The following CPEB3 variants were observed in gnomAD, a reference collection of about 807,000 sequenced individuals.
CPEB3 encodes cytoplasmic polyadenylation element-binding protein 3.
CPEB3 carries 20 observed loss-of-function variants against 67.2 expected under a neutral mutation model. The ratio of observed to expected loss-of-function variants is 0.30; its 90% confidence interval spans 0.21 to 0.43. CPEB3 has a LOEUF of 0.43. Ranked by LOEUF, CPEB3 falls within the 20% of genes least tolerant of loss-of-function variation. CPEB3 has a pLI of 1.00. For missense variants in CPEB3, 746 were observed against 968.6 expected (o/e 0.77, Z 3.05); for synonymous variants, 376 against 393.1 (o/e 0.96, Z 0.51).
At chr10:92,181,047 A>G in intron 3 of CPEB3, 28 bp from the exon 4 acceptor site, 9 of 1,221,282 alleles carry the variant, frequency 7.4e-6, no homozygotes, top group Non-Finnish European at 1.1e-5. Context: ...TTTAAGCAAA[A>G]AGAATGTTTA....
At chr10:92,163,373 G>A (rs1305981228) in intron 4 of CPEB3, among the ~76,000 whole-genome samples, 1 of 152,100 alleles carries the variant, frequency 6.6e-6, no homozygotes, top group Admixed American at 6.5e-5. Context: ...GGCGGAGGTT[G>A]CAGTGAGCCA....
At chr10:92,246,675 A>AT (rs1405992417) in intron 1 of CPEB3, among the ~76,000 whole-genome samples, 1 of 151,640 alleles carries the variant, frequency 6.6e-6, no homozygotes, top group Non-Finnish European at 1.5e-5. Flanking sequence ...CGCCCAGCTA[A>AT]TTTTTTGTAC....
intron 6 of CPEB3, 42 bp downstream of exon 6, chr10:92,142,987 C>CT (rs758086057): frequency 7.1e-7 from 1 of 1,414,464 alleles, no homozygotes; most frequent in Non-Finnish European, 1.0e-6. Flanking sequence ...GTCATGCTAT[C>CT]TCTCCAACAG....
At chr10:92,053,771 G>A (rs953653449) in intron 9 of CPEB3, among the ~76,000 whole-genome samples, 30 of 152,254 alleles carry the variant, frequency 2.0e-4, no homozygotes, top group South Asian at 6.2e-4. Context: ...TCGATCCCCT[G>A]ACCTCGTGAT....
chr10:92,283,074 A>C (rs1842367849), intron 1 of CPEB3, among the ~76,000 whole-genome samples: 1 of 152,144 alleles, frequency 6.6e-6, no homozygotes, highest in East Asian at 1.9e-4. Context: ...AACATGGCGA[A>C]ACCCTGTCTC....
rs563523239 is a variant in CPEB3, at chr10:92,098,105, G to A, written c.1573-6161C>T. Among the ~76,000 whole-genome samples, 24 of 134,180 alleles carry A rather than the reference G, an allele frequency of 1.8e-4. No homozygotes were observed. In the South Asian group the frequency reaches 5.7e-3, roughly 32 times the overall value. 88.0% of individuals were successfully genotyped at this position (134,180 alleles called of 152,430 possible). On this transcript the variant is annotated intron_variant, in intron 7 of 9. Coordinates refer to ENST00000265997, the MANE Select transcript of CPEB3 (RefSeq NM_014912.5). Reference sequence around the variant, plus strand: ...GAACCCAGGAAGTGGATGCTACGGTGAGCCAAGATCGCGCCATTGCACTCC... The same window carrying A: ...GAACCCAGGAAGTGGATGCTACGGTAAGCCAAGATCGCGCCATTGCACTCC...
intron 4 of CPEB3, among the ~76,000 whole-genome samples, chr10:92,171,182 G>A (rs73316068): frequency 0.075 from 11,444 of 152,128 alleles, 1,429 homozygotes; most frequent in African/African-American, 0.26. Context: ...TGGACATTTC[G>A]GAAGGGCTGC....
At chr10:92,101,999 CT>C (rs942810397) in intron 7 of CPEB3, among the ~76,000 whole-genome samples, 4 of 152,190 alleles carry the variant, frequency 2.6e-5, no homozygotes, top group African/African-American at 9.7e-5. Flanking sequence ...ATCACCAAAA[CT>C]AAGAGCCACA....
At chr10:92,101,727 T>C (rs555621598) in intron 7 of CPEB3, among the ~76,000 whole-genome samples, 4 of 152,172 alleles carry the variant, frequency 2.6e-5, no homozygotes, top group South Asian at 4.2e-4. Context: ...GCCAACTTGG[T>C]GAAACCCCCA....
intron 6 of CPEB3, chr10:92,118,816 C>A: frequency 1.3e-6 from 1 of 766,264 alleles, no homozygotes; most frequent in Non-Finnish European, 2.4e-6. Flanking sequence ...CTGTATCTCC[C>A]CACGTCACTA....
chr10:92,103,709 A>G (rs1165741144), intron 7 of CPEB3, among the ~76,000 whole-genome samples: 1 of 152,238 alleles, frequency 6.6e-6, no homozygotes, highest in East Asian at 1.9e-4. Flanking sequence ...GGACCTACTA[A>G]CAAAACTAGC....
intron 8 of CPEB3, 35 bp downstream of exon 8, chr10:92,091,795 G>T: frequency 7.8e-7 from 1 of 1,288,618 alleles, no homozygotes; most frequent in Non-Finnish European, 1.1e-6. Context: ...TGTTGTTGTT[G>T]GTTTTGTTGT....
intron 1 of CPEB3, among the ~76,000 whole-genome samples, chr10:92,280,731 T>G (rs950629904): frequency 1.4e-4 from 21 of 146,482 alleles, no homozygotes; most frequent in African/African-American, 5.2e-4. Flanking sequence ...ACATACAGGC[T>G]AATAGACGGT....
At chr10:92,265,460 CA>C (rs1170989538) in intron 1 of CPEB3, among the ~76,000 whole-genome samples, 2 of 151,992 alleles carry the variant, frequency 1.3e-5, no homozygotes, top group East Asian at 3.9e-4. Context: ...ATGTCTCTCC[CA>C]AAAGAAAAAG....
chr10:92,170,717 GAGAA>G (rs1247021389), intron 4 of CPEB3, among the ~76,000 whole-genome samples: 1 of 152,122 alleles, frequency 6.6e-6, no homozygotes, highest in East Asian at 1.9e-4. Flanking sequence ...GAGGAAGAGA[GAGAA>G]AGAAAGAAGA....
Position 92,253,479 on chromosome 10 carries a change from A to G in CPEB3, c.-11-13118T>C, listed in dbSNP as rs1852390390. Among the ~76,000 whole-genome samples the G allele has an allele frequency of 2.6e-5, 4 of 151,206 alleles. No homozygotes were observed. The South Asian group carries it at 8.3e-4, about 31-fold the overall frequency. ...GTCTCAAAACAAAAAAAAAAAAAAA[A>G]AAAAAGAAAAGAAAGAAAAGAAAAT... is the stretch of plus-strand genomic sequence containing the variant. On this transcript the variant is annotated intron_variant, in intron 1 of 9. Coordinates refer to ENST00000265997, the MANE Select transcript of CPEB3 (RefSeq NM_014912.5).
At chr10:92,186,915 T>G (rs1202844109) in intron 3 of CPEB3, among the ~76,000 whole-genome samples, 4 of 152,150 alleles carry the variant, frequency 2.6e-5, no homozygotes, top group African/African-American at 7.2e-5. Context: ...TGTAATCTGC[T>G]AACTTTCAAA....
intron 7 of CPEB3, among the ~76,000 whole-genome samples, chr10:92,094,465 G>C (rs1843763968): frequency 6.6e-6 from 1 of 151,914 alleles, no homozygotes. Flanking sequence ...AGCCGGGCGT[G>C]GTAGCGGGCG....
chr10:92,092,695 G>A (rs553479195), intron 7 of CPEB3, among the ~76,000 whole-genome samples: 2 of 152,014 alleles, frequency 1.3e-5, no homozygotes, highest in African/African-American at 2.4e-5. Flanking sequence ...CATGAGAATC[G>A]CTTGAACCCA....
Sources: allele counts gnomAD v4.1 joint callset (sites outside exome capture counted in the v4.1 genomes callset), GRCh38; gene constraint gnomAD v4.1.1; transcripts MANE v1.5; gene names NCBI Gene and HGNC (gene_info 2026-07-23, HGNC 2026-07-21).